NR2F1-AS1: variants seen among roughly 807,000 people sequenced by gnomAD.
NR2F1-AS1 encodes the protein NR2F1 regulatory antisense RNA 1.
At chr5:93,500,723 T>C (rs1751060393) in intron 4 of NR2F1-AS1, among the ~76,000 whole-genome samples, 1 of 152,096 alleles carries the variant, frequency 6.6e-6, no homozygotes, top group Admixed American at 6.6e-5. Context: ...CTACAACCTC[T>C]GCCTCCCAGG....
chr5:93,536,841 G>A (rs1388786358), intron 4 of NR2F1-AS1, among the ~76,000 whole-genome samples: 1 of 152,180 alleles, frequency 6.6e-6, no homozygotes, highest in African/African-American at 2.4e-5. Flanking sequence ...GTTGTGGAAG[G>A]GACCTGGTGG....
At chr5:93,453,222 G>A (rs1043072063) in intron 4 of NR2F1-AS1, among the ~76,000 whole-genome samples, 1 of 151,816 alleles carries the variant, frequency 6.6e-6, no homozygotes, top group Non-Finnish European at 1.5e-5. Context: ...CAGAATACAA[G>A]ATCAGTGAAC....
chr5:93,443,135 C>T (rs535217320), intron 4 of NR2F1-AS1, among the ~76,000 whole-genome samples: 4 of 152,206 alleles, frequency 2.6e-5, no homozygotes, highest in African/African-American at 9.7e-5. Flanking sequence ...CAGAGTGCCT[C>T]TTCTCTTCCA....
chr5:93,530,584 G>C (rs2149900142), intron 4 of NR2F1-AS1, among the ~76,000 whole-genome samples: 1 of 152,274 alleles, frequency 6.6e-6, no homozygotes, highest in African/African-American at 2.4e-5. Flanking sequence ...GAGTGGCAAA[G>C]AGAAACAGAT....
intron 1 of NR2F1-AS1, among the ~76,000 whole-genome samples, chr5:93,576,317 G>A (rs1219366692): frequency 4.6e-5 from 7 of 152,086 alleles, no homozygotes; most frequent in Admixed American, 2.6e-4. Flanking sequence ...CCCAAAGATG[G>A]GCTAGGTTTA....
intron 4 of NR2F1-AS1, chr5:93,542,817 T>C (rs951684578): frequency 3.3e-5 from 5 of 152,208 alleles, no homozygotes; most frequent in South Asian, 2.1e-4. Context: ...CAAGATCCCA[T>C]GTAAGGTGGC....
chr5:93,422,296 T>C (rs1244009306), intron 4 of NR2F1-AS1: 2 of 152,324 alleles, frequency 1.3e-5, no homozygotes, highest in African/African-American at 4.8e-5. Flanking sequence ...AGCTAAGTGC[T>C]TGCTCTTGCT....
At chr5:93,574,574 C>T (rs1175788172) in intron 1 of NR2F1-AS1, among the ~76,000 whole-genome samples, 4 of 152,052 alleles carry the variant, frequency 2.6e-5, no homozygotes, top group Non-Finnish European at 5.9e-5. Context: ...GGGAGTGATT[C>T]GTGGAAAGAA....
rs551042535 is a variant in NR2F1-AS1 at position 93,472,138 on chromosome 5, A to G, written n.639-76596T>C. ...GGTAAATAGTGTTGCTATAATTTGA[A>G]CCCAGCCTTTTCATATGCAGAATCC... On this transcript the variant is annotated intron_variant and non_coding_transcript_variant, in intron 4 of 5. Coordinates refer to ENST00000660523, the Ensembl canonical transcript of NR2F1-AS1. Among the ~76,000 whole-genome samples, 4 of 151,934 alleles carry G rather than the reference A, an allele frequency of 2.6e-5. No individual in the cohort carries two copies. The East Asian group carries it at 5.8e-4, about 22-fold the overall frequency.
At chr5:93,554,810 G>T (rs890150054) in intron 3 of NR2F1-AS1, 1 of 152,120 alleles carries the variant, frequency 6.6e-6, no homozygotes, top group African/African-American at 2.4e-5. Context: ...CAAACAGCTA[G>T]ATTCTAACCC....
intron 4 of NR2F1-AS1, among the ~76,000 whole-genome samples, chr5:93,488,229 A>T (rs945600134): frequency 6.6e-6 from 1 of 152,228 alleles, no homozygotes; most frequent in African/African-American, 2.4e-5. Flanking sequence ...CAAAAGCCAA[A>T]TTTGACAAAT....
intron 1 of NR2F1-AS1, among the ~76,000 whole-genome samples, chr5:93,577,079 T>A (rs1315141662): frequency 6.6e-6 from 1 of 152,268 alleles, no homozygotes; most frequent in Non-Finnish European, 1.5e-5. Flanking sequence ...CTAAGAATGA[T>A]TGTCACTTTT....
At chr5:93,583,576 T>C (rs952302354), upstream of NR2F1-AS1, 4 of 152,068 alleles carry the variant, frequency 2.6e-5, no homozygotes, top group African/African-American at 9.7e-5. Flanking sequence ...CGTATTCTTC[T>C]TATCGTTATT....
intron 4 of NR2F1-AS1, among the ~76,000 whole-genome samples, chr5:93,526,108 G>C (rs762034288): frequency 3.9e-5 from 6 of 152,082 alleles, no homozygotes; most frequent in Non-Finnish European, 8.8e-5. Flanking sequence ...TAGACTGCTA[G>C]CCAGACTAAC....
chr5:93,518,439 C>A (rs1751439913), intron 4 of NR2F1-AS1, among the ~76,000 whole-genome samples: 1 of 152,056 alleles, frequency 6.6e-6, no homozygotes, highest in African/African-American at 2.4e-5. Flanking sequence ...TCACTCAATT[C>A]TTTCAATAAC....
intron 1 of NR2F1-AS1, among the ~76,000 whole-genome samples, chr5:93,574,427 T>G (rs577852557): frequency 6.6e-6 from 1 of 152,188 alleles, no homozygotes; most frequent in South Asian, 2.1e-4. Context: ...GCGACTGGGT[T>G]CTCAACTCAC....
rs1752964445 is a variant in NR2F1-AS1 at position 93,579,250 on chromosome 5, G to A, written n.313+1217C>T. Among the ~76,000 whole-genome samples the A allele has an allele frequency of 6.6e-6, 1 of 152,106 alleles. No homozygotes were observed. Among genetic ancestry groups the A allele is most frequent in the African/African-American group, 2.4e-5 (1 of 41,432 alleles). On this transcript the variant is annotated intron_variant and non_coding_transcript_variant, in intron 1 of 5. Coordinates refer to ENST00000660523, the Ensembl canonical transcript of NR2F1-AS1. This position sits in a 1 kb window ranked among gnomAD's most constrained non-coding sequence, Gnocchi z 5.1. ...AGCCGCTCCCCTCCTCCGAAAAGCC[G>A]CGGGCTTCCGCTGCTCCGGGCATCA...
At chr5:93,523,940 C>A (rs1282885408) in intron 4 of NR2F1-AS1, among the ~76,000 whole-genome samples, 1 of 151,898 alleles carries the variant, frequency 6.6e-6, no homozygotes, top group African/African-American at 2.4e-5. Flanking sequence ...AAACAGAAAG[C>A]CACTTCTCCT....
chr5:93,513,873 T>C (rs1561477460), intron 4 of NR2F1-AS1, among the ~76,000 whole-genome samples: 2 of 152,126 alleles, frequency 1.3e-5, no homozygotes, highest in Admixed American at 6.6e-5. Context: ...TAAGGCAATA[T>C]TTTTCTTACT....
Sources: gnomAD v4.1 joint callset for allele counts (sites outside exome capture counted in the v4.1 genomes callset) on GRCh38, gnomAD v4.1.1 for gene constraint, Gnocchi (gnomAD v3.1) non-coding constraint, MANE v1.5 for transcripts, NCBI Gene and HGNC (gene_info 2026-07-23, HGNC 2026-07-21) for gene names.